GNG7: variants seen among roughly 807,000 people sequenced by gnomAD.
GNG7 encodes the protein G protein subunit gamma 7.
A neutral mutation model predicts 4.0 loss-of-function variants in GNG7; 1 was observed. The observed-to-expected ratio is 0.25, with a 90% CI of 0.09 to 1.18. GNG7 has a LOEUF of 1.18. Among genes scored for constraint, GNG7 ranks in the 50% most tolerant of loss-of-function variants. The probability of loss-of-function intolerance (pLI) is 0.50; values close to 1 mark genes in which losing one functional copy is unlikely to be tolerated. For missense variants in GNG7, 86 were observed against 91.9 expected (o/e 0.94, Z 0.26); for synonymous variants, 34 against 36.9 (o/e 0.92, Z 0.29).
At chr19:2,532,157 A>AT (rs199814464) in intron 3 of GNG7, among the ~76,000 whole-genome samples, 1 of 44,914 alleles carries the variant, frequency 2.2e-5, no homozygotes, top group South Asian at 1.2e-3. Context: ...TCTCAAAAAA[A>AT]AAAACAAAAA....
intron 3 of GNG7, among the ~76,000 whole-genome samples, chr19:2,535,134 T>A (rs1158049378): frequency 6.6e-6 from 1 of 152,120 alleles, no homozygotes; most frequent in East Asian, 1.9e-4. Flanking sequence ...TTTCTTTTCT[T>A]GTAGTATTTA....
chr19:2,612,155 G>A (rs1186306947), intron 2 of GNG7, among the ~76,000 whole-genome samples: 1 of 152,090 alleles, frequency 6.6e-6, no homozygotes, highest in Non-Finnish European at 1.5e-5. Context: ...CTACAGGTGT[G>A]AGCCAGCGCG....
intron 1 of GNG7, among the ~76,000 whole-genome samples, chr19:2,648,389 C>T (rs574289786): frequency 6.6e-6 from 1 of 152,236 alleles, no homozygotes; most frequent in South Asian, 2.1e-4. Flanking sequence ...GAGCACGGCA[C>T]TGTCTCAAAA....
chr19:2,593,041 AGAAGGAAGGAAG>A (rs1270843844), intron 2 of GNG7, among the ~76,000 whole-genome samples: 1 of 147,794 alleles, frequency 6.8e-6, no homozygotes, highest in Non-Finnish European at 1.5e-5. Context: ...AAGGAAGGAA[AGAAGGAAGGAAG>A]GAAGGAGAGG....
At chr19:2,540,699 A>T (rs1056982923) in intron 3 of GNG7, among the ~76,000 whole-genome samples, 13 of 152,126 alleles carry the variant, frequency 8.5e-5, no homozygotes, top group South Asian at 2.1e-4. Flanking sequence ...GCAGACAGCG[A>T]GGCCCGCCGG....
rs1370840849 is a variant in GNG7 at position 2,626,810 on chromosome 19, A to T, written c.-78+19414T>A. ...GACTAATATTCCCTCACATCGGTCC[A>T]TGCTCCTGGCATGGAGTGGGTGGAG... On this transcript the variant is annotated intron_variant, in intron 2 of 4. Coordinates refer to ENST00000382159, the MANE Select transcript of GNG7 (RefSeq NM_052847.3). The surrounding 1 kb of genome is among the most constrained non-coding windows in gnomAD (Gnocchi z 5.0). Among the ~76,000 whole-genome samples the T allele has an allele frequency of 3.3e-5, 5 of 152,126 alleles. No individual in the cohort carries two copies. Among genetic ancestry groups the T allele is most frequent in the Non-Finnish European group, 7.4e-5 (5 of 68,008 alleles).
intron 3 of GNG7, among the ~76,000 whole-genome samples, chr19:2,537,639 A>ACAGGAAGCTGGAGG (rs991643255): frequency 2.0e-5 from 3 of 151,454 alleles, no homozygotes; most frequent in African/African-American, 7.3e-5. Context: ...TTCTGATGGG[A>ACAGGAAGCTGGAGG]CAGGAAGCTG....
chr19:2,590,004 G>A (rs563144525), intron 2 of GNG7, among the ~76,000 whole-genome samples: 21 of 152,124 alleles, frequency 1.4e-4, no homozygotes, highest in Non-Finnish European at 2.9e-4. Flanking sequence ...TAGAGACAGG[G>A]TTTCACCCTG....
intron 1 of GNG7, among the ~76,000 whole-genome samples, chr19:2,655,533 T>A (rs374191254): frequency 6.6e-6 from 1 of 150,612 alleles, no homozygotes; most frequent in South Asian, 2.1e-4. Context: ...TGAAACTCTG[T>A]CTCTACTAAA....
intron 2 of GNG7, among the ~76,000 whole-genome samples, chr19:2,591,864 G>A (rs1206397267): frequency 6.6e-6 from 1 of 152,176 alleles, no homozygotes; most frequent in South Asian, 2.1e-4. Flanking sequence ...CCAAATAAAT[G>A]AATATTATAA....
intron 1 of GNG7, among the ~76,000 whole-genome samples, chr19:2,690,499 T>C (rs1188514850): frequency 6.6e-6 from 1 of 152,216 alleles, no homozygotes; most frequent in East Asian, 1.9e-4. Context: ...ACTCCTGGAC[T>C]GGACGTGCTC....
intron 2 of GNG7, among the ~76,000 whole-genome samples, chr19:2,639,024 G>C (rs2144852108): frequency 6.6e-6 from 1 of 152,104 alleles, no homozygotes; most frequent in South Asian, 2.1e-4. Flanking sequence ...ATCACTTGAG[G>C]TCAGGGGTTC....
In GNG7 at chr19:2,520,654, T is replaced by A; in HGVS notation, c.35A>T (p.Lys12Met). The change falls in exon 4 of 5, where the codon AAG becomes ATG. Residue 12 changes from lysine (K) to methionine (M), a missense_variant. Lys to Met is a moderately conservative substitution (Grantham distance 95, BLOSUM62 -1). Coordinates refer to ENST00000382159, the MANE Select transcript of GNG7 (RefSeq NM_052847.3). ...SATNNIAQAR[K>M]LVEQLRIEAG... ...TTCTATGCGTAGCTGTTCCACCAGC[T>A]TCCGGGCCTGGGCTATGTTGTTAGT... is the stretch of plus-strand genomic sequence containing the variant. 6.4e-7 allele frequency: 1 copy of A among 1,553,202 alleles called. No homozygotes were observed. Among genetic ancestry groups the A allele is most frequent in the Non-Finnish European group, 8.7e-7 (1 of 1,146,034 alleles).
intron 2 of GNG7, among the ~76,000 whole-genome samples, chr19:2,562,683 G>A (rs1169763427): frequency 6.6e-6 from 1 of 152,124 alleles, no homozygotes; most frequent in Non-Finnish European, 1.5e-5. Context: ...AGTGTACCCT[G>A]GTCAGGGGGG....
At chr19:2,701,597 C>G (rs888520344) in intron 1 of GNG7, among the ~76,000 whole-genome samples, 5 of 149,916 alleles carry the variant, frequency 3.3e-5, no homozygotes, top group Non-Finnish European at 5.9e-5. Flanking sequence ...GTCAATCACA[C>G]CCCCCCATCT....
rs763152930 is a variant in GNG7, at chr19:2,520,596, C to T, written c.81+12G>A. The T allele has an allele frequency of 1.6e-5, 24 of 1,498,314 alleles. No individual in the cohort carries two copies. Among genetic ancestry groups the T allele is most frequent in the East Asian group, 7.3e-5 (3 of 41,056 alleles). 92.8% of individuals were successfully genotyped at this position (1,498,314 alleles called of 1,614,324 possible). On this transcript the variant is annotated intron_variant, in intron 4 of 4. Coordinates refer to ENST00000382159, the MANE Select transcript of GNG7 (RefSeq NM_052847.3). ...TCTCTCCCCTCCTCTTCCTGATGCC[C>T]GCTGGGCTCACCTTGATGCGCTCAA... is the stretch of plus-strand genomic sequence containing the variant.
intron 2 of GNG7, among the ~76,000 whole-genome samples, chr19:2,625,083 CTTTT>C (rs1004720674): frequency 6.6e-6 from 1 of 152,210 alleles, no homozygotes; most frequent in Non-Finnish European, 1.5e-5. Context: ...CTCTTCCTTT[CTTTT>C]GAGACAAGAT....
chr19:2,553,860 ATATGTAACATTGCATACATGTACATATTC>A lies in GNG7; in HGVS notation c.-38+1260_-38+1288del, dbSNP rs1979453081. On this transcript the variant is annotated intron_variant, in intron 3 of 4. Coordinates refer to ENST00000382159, the MANE Select transcript of GNG7 (RefSeq NM_052847.3). ...GTAATATTGCATACATGTACATATTATATGTAACATTGCATACATGTACATATTCTATGTAATATTACATACATGTGCAT... is the reference window on the plus strand; with the variant it reads ...GTAATATTGCATACATGTACATATTATATGTAATATTACATACATGTGCAT... Among the ~76,000 whole-genome samples, 6 of 138,754 alleles carry A rather than the reference ATATGTAACATTGCATACATGTACATATTC, an allele frequency of 4.3e-5. No individual in the cohort carries two copies. The East Asian group carries it at 6.3e-4, about 15-fold the overall frequency. 91.0% of individuals were successfully genotyped at this position (138,754 alleles called of 152,430 possible).
At chr19:2,552,127 CCT>C in intron 3 of GNG7, among the ~76,000 whole-genome samples, 1 of 152,168 alleles carries the variant, frequency 6.6e-6, no homozygotes, top group South Asian at 2.1e-4. Flanking sequence ...GTTGCACGCT[CCT>C]TATGAGAATC....
Sources: gnomAD v4.1 joint callset for allele counts (sites outside exome capture counted in the v4.1 genomes callset) on GRCh38, gnomAD v4.1.1 for gene constraint, Gnocchi (gnomAD v3.1) non-coding constraint, MANE v1.5 for transcripts, NCBI Gene and HGNC (gene_info 2026-07-23, HGNC 2026-07-21) for gene names.